Variants in SLC6A4 observed in about 807,000 individuals in gnomAD.
SLC6A4 encodes sodium-dependent serotonin transporter.
In SLC6A4, 22 loss-of-function variants were observed where a neutral mutation model predicts 73.4. The ratio of observed to expected loss-of-function variants is 0.30; its 90% CI spans 0.21 to 0.43. SLC6A4 has a LOEUF of 0.43. Among genes scored for constraint, SLC6A4 ranks in the 20% least tolerant of loss-of-function variants. The pLI, the probability that SLC6A4 is intolerant of heterozygous loss-of-function variation, is 1.00. For missense variants in SLC6A4, 593 were observed against 808.5 expected (o/e 0.73, Z 3.23); for synonymous variants, 270 against 315.5 (o/e 0.86, Z 1.53).
In SLC6A4 at chr17:30,222,088, G is replaced by T. The variant is rs1567821802; in HGVS notation, c.-123-7C>A. 1 of 1,550,316 alleles carries T rather than the reference G, an allele frequency of 6.5e-7. No homozygotes were observed. The highest frequency in any genetic ancestry group is 8.7e-7 in the Non-Finnish European group (1 of 1,143,886). ...TGACACGTCGGGATTGACTCTGTTG[G>T]AAAGACACACAGAGGAAGGAGAAAA... On this transcript the variant is annotated splice_polypyrimidine_tract_variant and splice_region_variant and intron_variant, in intron 2 of 14. Coordinates refer to ENST00000650711, the MANE Select transcript of SLC6A4 (RefSeq NM_001045.6).
At position 30,195,866 on chromosome 17, in the gene SLC6A4, T is replaced by A. The variant is rs1265498263; in HGVS notation, c.*2590A>T. ...GGAGTTTCGCTCTTGTCATCCAGGCTGGAATGCAGTGGAACGTTTGGCTCA... is the reference window on the plus strand; with the variant it reads ...GGAGTTTCGCTCTTGTCATCCAGGCAGGAATGCAGTGGAACGTTTGGCTCA... On this transcript the variant is annotated 3_prime_UTR_variant, in exon 15 of 15. Transcript: ENST00000650711. 6.6e-6 allele frequency: 1 copy of A among 151,328 alleles called. No homozygotes were observed. Among genetic ancestry groups the A allele is most frequent in the African/African-American group, 2.4e-5 (1 of 41,108 alleles). 9.4% of individuals were successfully genotyped at this position (151,328 alleles called of 1,614,324 possible).
In SLC6A4 at chr17:30,235,333, G is replaced by T. The variant is rs1247588346; in HGVS notation, c.-221+280C>A. Among the ~76,000 whole-genome samples the T allele has an allele frequency of 6.6e-6, 1 of 152,216 alleles. No homozygotes were observed. Among genetic ancestry groups the T allele is most frequent in the Non-Finnish European group, 1.5e-5 (1 of 68,034 alleles). On this transcript the variant is annotated intron_variant, in intron 1 of 14. Transcript: ENST00000650711. This position sits in a 1 kb window ranked among gnomAD's most constrained non-coding sequence, Gnocchi z 4.5. ...GTCTTTCACGGGTCCTCAAGAGGTT[G>T]CAAAGCCCCTGCAACAATAGACAAA...
At chr17:30,214,066 C>T (rs1330835594) in intron 8 of SLC6A4, among the ~76,000 whole-genome samples, 1 of 152,070 alleles carries the variant, frequency 6.6e-6, no homozygotes, top group Non-Finnish European at 1.5e-5. Context: ...ATATTTAAAA[C>T]CATAATTGGT....
intron 6 of SLC6A4, among the ~76,000 whole-genome samples, chr17:30,216,567 G>A (rs1185488231): frequency 2.6e-5 from 4 of 151,498 alleles, no homozygotes; most frequent in Non-Finnish European, 4.4e-5. Context: ...TCATTGCCAC[G>A]ATTATTAATT....
chr17:30,201,204 T>C (rs187300540), intron 14 of SLC6A4, among the ~76,000 whole-genome samples: 224 of 152,266 alleles, frequency 1.5e-3, no homozygotes, highest in African/African-American at 5.3e-3. Context: ...AATGTTAACA[T>C]GGTCAAATGA....
At chr17:30,213,594 C>A (rs1906456785) in intron 8 of SLC6A4, among the ~76,000 whole-genome samples, 1 of 152,032 alleles carries the variant, frequency 6.6e-6, no homozygotes, top group African/African-American at 2.4e-5. Flanking sequence ...AGTGCAAGGC[C>A]ACATTGCTTA....
intron 1 of SLC6A4, among the ~76,000 whole-genome samples, chr17:30,230,117 G>A (rs2143016488): frequency 7.2e-6 from 1 of 139,246 alleles, no homozygotes; most frequent in African/African-American, 3.1e-5. Flanking sequence ...GGAAGAGGAA[G>A]AGGAAGAGGA....
At chr17:30,199,036 C>T (rs896826665) in intron 14 of SLC6A4, among the ~76,000 whole-genome samples, 1 of 152,112 alleles carries the variant, frequency 6.6e-6, no homozygotes, top group African/African-American at 2.4e-5. Context: ...ATGAATTCAC[C>T]TGTAAAGCAA....
chr17:30,210,407 G>T, intron 11 of SLC6A4, 108 bp downstream of exon 11: 1 of 1,226,058 alleles, frequency 8.2e-7, no homozygotes, highest in Non-Finnish European at 1.1e-6. Flanking sequence ...CCCCTCCTTT[G>T]GTCCCAAAGC....
chr17:30,194,586 AAT>A lies in SLC6A4; in HGVS notation c.*3868_*3869del, dbSNP rs1473796435. 31 of 152,340 alleles carry A rather than the reference AAT, an allele frequency of 2.0e-4. No homozygotes were observed. Among genetic ancestry groups the A allele is most frequent in the African/African-American group, 7.5e-4 (31 of 41,588 alleles). The allele number at this position is 152,340 out of a possible 1,614,324, so 9.4% of individuals were successfully genotyped here. On this transcript the variant is annotated 3_prime_UTR_variant, in exon 15 of 15. Coordinates refer to ENST00000650711, the MANE Select transcript of SLC6A4 (RefSeq NM_001045.6). The stretch of plus-strand genomic sequence containing the variant: ...TAAATTCCCCAATTTTATCTTTTAA[AAT>A]ATGAATTTTTAATATATCATTTTCT...
chr17:30,207,768 C>A lies in SLC6A4; in HGVS notation c.1614G>T (p.Arg538Ser). ...MLGFSPGWFW[R>S]ICWVAISPLF... ...GAGGGCTGATGGCCACCCAGCAGATCCTCCAGAACCACCCCGGGCTGAAGC... is the reference window on the plus strand; with the variant it reads ...GAGGGCTGATGGCCACCCAGCAGATACTCCAGAACCACCCCGGGCTGAAGC... The change falls in exon 13 of 15, where the codon AGG becomes AGT. Residue 538 changes from arginine to serine, a missense_variant. By Grantham distance (110) the Arg-to-Ser change is moderately radical. Coordinates refer to ENST00000650711, the MANE Select transcript of SLC6A4 (RefSeq NM_001045.6). 6.2e-7 allele frequency: 1 copy of A among 1,614,008 alleles called. No individual in the cohort carries two copies. Among genetic ancestry groups the A allele is most frequent in the Non-Finnish European group, 8.5e-7 (1 of 1,179,906 alleles).
chr17:30,205,565 G>A (rs1011159561), intron 13 of SLC6A4, among the ~76,000 whole-genome samples: 8 of 152,136 alleles, frequency 5.3e-5, no homozygotes, highest in African/African-American at 1.2e-4. Context: ...AAAAACACAC[G>A]CATTTTAAAT....
In SLC6A4 at chr17:30,209,237, C is replaced by G; in HGVS notation, c.1455G>C (p.Gly485=). ...CCTCCAGCAGCTTCACCACGTAGGC[C>G]CCTCCCTGGAGGGGAGAGCAGAGCC... is the stretch of plus-strand genomic sequence containing the variant. ...FGSLVTLTFG[G]AYVVKLLEEY... The change falls in exon 12 of 15, where the codon GGG becomes GGC. Residue 485 remains glycine (G), a synonymous_variant. Transcript: ENST00000650711. 6.2e-7 allele frequency: 1 copy of G among 1,610,546 alleles called. No individual in the cohort carries two copies. Among genetic ancestry groups the G allele is most frequent in the South Asian group, 1.1e-5 (1 of 91,028 alleles).
intron 14 of SLC6A4, among the ~76,000 whole-genome samples, chr17:30,201,325 G>A (rs1439001935): frequency 2.6e-5 from 4 of 152,114 alleles, no homozygotes; most frequent in South Asian, 2.1e-4. Context: ...CACTGCTTCC[G>A]GGTAACCCGC....
At chr17:30,230,110 A>AGGAG (rs1567824211) in intron 1 of SLC6A4, among the ~76,000 whole-genome samples, 5 of 127,240 alleles carry the variant, frequency 3.9e-5, no homozygotes, top group African/African-American at 1.6e-4. Flanking sequence ...AGGAAGAGGA[A>AGGAG]GAGGAAGAGG....
rs1906612898 is a variant in SLC6A4, at chr17:30,217,433, G to A, written c.699-129C>T. 9.2e-6 allele frequency: 8 copies of A among 872,596 alleles called. No homozygotes were observed. In the East Asian group the frequency reaches 2.2e-4, roughly 23 times the overall value. The allele number at this position is 872,596 out of a possible 1,614,324, so 54.1% of individuals were successfully genotyped here. ...GCTGCTAGGACCAAGTGGTCACTGA[G>A]GCCCAGGAAGAGCTGGGATTGGCCC... is the stretch of plus-strand genomic sequence containing the variant. On this transcript the variant is annotated intron_variant, in intron 5 of 14. Coordinates refer to ENST00000650711, the MANE Select transcript of SLC6A4 (RefSeq NM_001045.6).
In SLC6A4 at chr17:30,196,053, T is replaced by C. The variant is rs1033629718; in HGVS notation, c.*2403A>G. ...AGCTGGTCTCAAACTCCTGATGTCA[T>C]GTGATCCTCCCACTGCAGCCTCCCA... On this transcript the variant is annotated 3_prime_UTR_variant, in exon 15 of 15. Transcript: ENST00000650711. The C allele has an allele frequency of 6.6e-6, 1 of 151,594 alleles. No homozygotes were observed. The highest frequency in any genetic ancestry group is 1.5e-5 in the Non-Finnish European group (1 of 67,836). 9.4% of individuals were successfully genotyped at this position (151,594 alleles called of 1,614,324 possible).
chr17:30,200,564 A>G (rs1241125362), intron 14 of SLC6A4, among the ~76,000 whole-genome samples: 5 of 152,194 alleles, frequency 3.3e-5, no homozygotes, highest in Non-Finnish European at 7.3e-5. Flanking sequence ...CCAACCTTGC[A>G]TATGGCCAGG....
chr17:30,209,226 A>T lies in SLC6A4; in HGVS notation c.1466T>A (p.Val489Glu). The change falls in exon 12 of 15, where the codon GTG becomes GAG. Residue 489 changes from valine to glutamate, a missense_variant. Val to Glu is a moderately radical substitution (Grantham distance 121). Transcript: ENST00000650711. ...CGTGGCATACTCCTCCAGCAGCTTC[A>T]CCACGTAGGCCCCTCCCTGGAGGGG... ...VTLTFGGAYV[V>E]KLLEEYATGP... is the part of the protein sequence containing the mutation. 1 of 1,612,502 alleles carries T rather than the reference A, an allele frequency of 6.2e-7. No homozygotes were observed. The highest frequency in any genetic ancestry group is 8.5e-7 in the Non-Finnish European group (1 of 1,178,980).
Sources: gnomAD v4.1 joint callset for allele counts (sites outside exome capture counted in the v4.1 genomes callset) on GRCh38, gnomAD v4.1.1 for gene constraint, Gnocchi (gnomAD v3.1) non-coding constraint, MANE v1.5 for transcripts, NCBI Gene and HGNC (gene_info 2026-07-23, HGNC 2026-07-21) for gene names.